SHLD1: variants seen among roughly 807,000 people sequenced by gnomAD.
SHLD1 encodes the protein RINN1-REV7-interacting novel NHEJ regulator 3.
In SHLD1, 3 loss-of-function variants were observed where a neutral mutation model predicts 5.5. That is an observed-to-expected ratio of 0.54 (90% CI 0.25 to 1.40). The LOEUF (loss-of-function observed/expected upper bound fraction) is 1.40, where lower values mean the gene tolerates loss of function less well. Ranked by LOEUF, SHLD1 falls within the 40% of genes most tolerant of loss-of-function variation. The pLI is 0.15. For missense variants in SHLD1, 210 were observed against 244.4 expected (o/e 0.86, Z 0.94); for synonymous variants, 92 against 94.3 (o/e 0.98, Z 0.14).
intron 1 of SHLD1, among the ~76,000 whole-genome samples, chr20:5,765,748 T>C (rs1034375864): frequency 2.0e-5 from 3 of 150,970 alleles, no homozygotes; most frequent in African/African-American, 7.3e-5. Context: ...TCCCAAATAA[T>C]GTATTTTATA....
chr20:5,851,313 C>T (rs967002049), intron 2 of SHLD1, among the ~76,000 whole-genome samples: 4 of 151,946 alleles, frequency 2.6e-5, no homozygotes, highest in Non-Finnish European at 5.9e-5. Context: ...TGGTGAGACC[C>T]CATCTCTACA....
intron 2 of SHLD1, among the ~76,000 whole-genome samples, chr20:5,774,533 C>T (rs1031717151): frequency 6.6e-6 from 1 of 152,156 alleles, no homozygotes; most frequent in African/African-American, 2.4e-5. Flanking sequence ...TTAATTGGCT[C>T]ACAGTTCTGC....
Position 5,773,089 on chromosome 20 carries a change from G to A in SHLD1, c.178+46G>A, listed in dbSNP as rs373723741. The A allele has an allele frequency of 2.0e-5, 32 of 1,582,474 alleles. No homozygotes were observed. The Middle Eastern group carries it at 2.0e-3, about 99-fold the overall frequency. On this transcript the variant is annotated intron_variant, in intron 2 of 2. Transcript: ENST00000303142. ...CAAACTAACTTAAAAACAACTAGCA[G>A]CAATACGGGTGTGTGATAGTTTGTT...
At chr20:5,765,107 ATG>A (rs1214235375) in intron 1 of SHLD1, 2 of 150,010 alleles carry the variant, frequency 1.3e-5, no homozygotes, top group Non-Finnish European at 3.0e-5. Flanking sequence ...AGGTCTTGCT[ATG>A]TTGCCCAGGC....
chr20:5,850,835 C>A (rs753566213), intron 2 of SHLD1, among the ~76,000 whole-genome samples: 3 of 152,172 alleles, frequency 2.0e-5, no homozygotes, highest in African/African-American at 4.8e-5. Flanking sequence ...ACTTCTCATC[C>A]GGCTTTACTC....
chr20:5,790,442 A>G (rs1001374124), intron 2 of SHLD1, among the ~76,000 whole-genome samples: 1 of 140,732 alleles, frequency 7.1e-6, no homozygotes, highest in Non-Finnish European at 1.5e-5. Context: ...ATGCTAACAT[A>G]AAGGATTTCT....
chr20:5,786,648 AT>A lies in SHLD1; in HGVS notation c.178+13608del, dbSNP rs1160171038. Among the ~76,000 whole-genome samples, 18 of 152,148 alleles carry A rather than the reference AT, an allele frequency of 1.2e-4. 1 individual carries two copies. Among genetic ancestry groups the A allele is most frequent in the Admixed American group, 1.2e-3 (18 of 15,268 alleles). On this transcript the variant is annotated intron_variant, in intron 2 of 2. Transcript: ENST00000303142. ...TTTGACTGTAGGTGATAAGACCCCC[AT>A]TTCAGAGAAGGTCCTGTCCCATGCC...
intron 2 of SHLD1, among the ~76,000 whole-genome samples, chr20:5,842,932 C>T (rs2134712): frequency 6.6e-6 from 1 of 152,062 alleles, no homozygotes; most frequent in Non-Finnish European, 1.5e-5. Context: ...CATTTTATTT[C>T]TTTAACATAT....
chr20:5,808,435 C>A (rs1327964177), intron 2 of SHLD1, among the ~76,000 whole-genome samples: 1 of 152,136 alleles, frequency 6.6e-6, no homozygotes, highest in Non-Finnish European at 1.5e-5. Context: ...ACACAAACAG[C>A]ACGTATATCT....
intron 2 of SHLD1, among the ~76,000 whole-genome samples, chr20:5,860,322 C>T (rs987631162): frequency 6.6e-6 from 1 of 152,146 alleles, no homozygotes; most frequent in Non-Finnish European, 1.5e-5. Flanking sequence ...TTACATCTAT[C>T]CCCCCAGAGG....
At chr20:5,785,689 G>A (rs769042094) in intron 2 of SHLD1, among the ~76,000 whole-genome samples, 9 of 151,712 alleles carry the variant, frequency 5.9e-5, no homozygotes, top group South Asian at 4.2e-4. Context: ...TCAGCTACTC[G>A]GGAGGCTGAG....
chr20:5,824,035 G>A (rs1023677785), intron 2 of SHLD1, among the ~76,000 whole-genome samples: 2 of 152,242 alleles, frequency 1.3e-5, no homozygotes, highest in Admixed American at 1.3e-4. Context: ...ACTTCCACCT[G>A]CTTAAAACCT....
chr20:5,804,387 A>G (rs902589290), intron 2 of SHLD1, among the ~76,000 whole-genome samples: 8 of 140,966 alleles, frequency 5.7e-5, no homozygotes, highest in African/African-American at 8.6e-5. Flanking sequence ...AGACATTAGT[A>G]TAGTGTAAAA....
intron 2 of SHLD1, among the ~76,000 whole-genome samples, chr20:5,840,914 C>T (rs1354949599): frequency 2.6e-5 from 4 of 151,674 alleles, no homozygotes; most frequent in South Asian, 2.1e-4. Flanking sequence ...ATTGCTATTT[C>T]TTTTTTTTAA....
At chr20:5,830,392 C>T (rs2087713947) in intron 2 of SHLD1, among the ~76,000 whole-genome samples, 1 of 152,098 alleles carries the variant, frequency 6.6e-6, no homozygotes. Flanking sequence ...AAAGACAAAG[C>T]AATGTGGCCA....
intron 2 of SHLD1, among the ~76,000 whole-genome samples, chr20:5,844,793 A>ATTTTTTTTTTT (rs1167953728): frequency 1.0e-5 from 1 of 96,196 alleles, no homozygotes; most frequent in Non-Finnish European, 1.8e-5. Context: ...ATATATATAT[A>ATTTTTTTTTTT]TATATATTTT....
intron 2 of SHLD1, among the ~76,000 whole-genome samples, chr20:5,791,563 C>CA (rs34606715): frequency 0.22 from 13,506 of 60,686 alleles, 1,333 homozygotes; most frequent in Non-Finnish European, 0.25. Context: ...GACCCTGTCT[C>CA]AAAAAAAAAA....
intron 2 of SHLD1, among the ~76,000 whole-genome samples, chr20:5,778,451 T>G (rs1038371770): frequency 1.3e-5 from 2 of 151,076 alleles, no homozygotes; most frequent in African/African-American, 2.4e-5. Flanking sequence ...AAAAAAAAAT[T>G]TAAAAATTAG....
chr20:5,854,278 T>A (rs1176536316), intron 2 of SHLD1, among the ~76,000 whole-genome samples: 1 of 152,196 alleles, frequency 6.6e-6, no homozygotes, highest in African/African-American at 2.4e-5. Flanking sequence ...AGTGCTAGGA[T>A]TACAGGCGTG....
Sources: allele counts gnomAD v4.1 joint callset (sites outside exome capture counted in the v4.1 genomes callset), GRCh38; gene constraint gnomAD v4.1.1; transcripts MANE v1.5; gene names NCBI Gene and HGNC (gene_info 2026-07-23, HGNC 2026-07-21).